Variants in DCC observed in about 807,000 individuals in gnomAD.
The protein encoded by DCC is netrin receptor DCC.
DCC carries 58 observed loss-of-function variants against 172.5 expected under a neutral mutation model. That is an observed-to-expected ratio of 0.34 (90% CI 0.27 to 0.42). The LOEUF (loss-of-function observed/expected upper bound fraction) is 0.42, where lower values mean the gene tolerates loss of function less well. Ranked by LOEUF, DCC falls within the 10% of genes least tolerant of loss-of-function variation. The pLI, the probability that DCC is intolerant of heterozygous loss-of-function variation, is 1.00. For synonymous variants in DCC, 709 were observed against 644.5 expected (o/e 1.10, Z -1.52); for missense variants, 1,740 against 1,791.0 (o/e 0.97, Z 0.51).
chr18:53,443,628 A>C (rs544149134), intron 22 of DCC, among the ~76,000 whole-genome samples: 95 of 152,352 alleles, frequency 6.2e-4, no homozygotes, highest in African/African-American at 2.1e-3. Flanking sequence ...TATGTCTTCC[A>C]GCTGCCATAA....
chr18:53,510,643 G>A (rs2046240091), intron 27 of DCC, among the ~76,000 whole-genome samples: 1 of 152,140 alleles, frequency 6.6e-6, no homozygotes, highest in Admixed American at 6.5e-5. Context: ...CAAGTACTAT[G>A]TTTGTTTGTT....
intron 1 of DCC, among the ~76,000 whole-genome samples, chr18:52,444,290 A>G (rs1447623104): frequency 6.6e-6 from 1 of 152,216 alleles, no homozygotes; most frequent in Non-Finnish European, 1.5e-5. Flanking sequence ...ATGACCTTGA[A>G]AATCCAGAAA....
chr18:52,466,021 T>C (rs1455064129), intron 1 of DCC, among the ~76,000 whole-genome samples: 3 of 152,200 alleles, frequency 2.0e-5, no homozygotes, highest in East Asian at 1.9e-4. Flanking sequence ...ATTAGTTCAA[T>C]GCTGGTTGAT....
chr18:53,374,614 G>T (rs1247606303), intron 15 of DCC, among the ~76,000 whole-genome samples: 1 of 151,866 alleles, frequency 6.6e-6, no homozygotes, highest in East Asian at 1.9e-4. Flanking sequence ...GAGTGAAAAG[G>T]CAAAATAAAA....
intron 25 of DCC, among the ~76,000 whole-genome samples, chr18:53,471,686 C>T (rs193046204): frequency 1.3e-5 from 2 of 152,256 alleles, no homozygotes; most frequent in Admixed American, 6.5e-5. Flanking sequence ...AGTTCAGGGA[C>T]TCTGCACTTG....
Position 53,428,791 on chromosome 18 carries a change from AATTATAT to A in DCC, c.3164-6342_3164-6336del, listed in dbSNP as rs1220350268. Among the ~76,000 whole-genome samples the A allele has an allele frequency of 7.0e-5, 3 of 42,756 alleles. 1 individual carries two copies. Among genetic ancestry groups the A allele is most frequent in the Admixed American group, 8.8e-4 (2 of 2,270 alleles). The allele number at this position is 42,756 out of a possible 152,430, so 28.0% of individuals were successfully genotyped here. A position where few individuals can be genotyped will look rare whatever the true frequency, so the allele number is the denominator to read the frequency against. The stretch of plus-strand genomic sequence containing the variant: ...TATATTATATATTTTATATATAATA[AATTATAT>A]ATTATATATTTTATATATAATAAAT... On this transcript the variant is annotated intron_variant, in intron 21 of 28. Coordinates refer to ENST00000442544, the MANE Select transcript of DCC (RefSeq NM_005215.4).
chr18:53,216,461 A>T (rs1483607746), intron 12 of DCC, among the ~76,000 whole-genome samples: 1 of 152,172 alleles, frequency 6.6e-6, no homozygotes, highest in African/African-American at 2.4e-5. Flanking sequence ...TCTTTTCATA[A>T]CTATTTGGTC....
intron 2 of DCC, among the ~76,000 whole-genome samples, chr18:52,819,350 T>G (rs889301781): frequency 6.6e-6 from 1 of 152,250 alleles, no homozygotes; most frequent in Non-Finnish European, 1.5e-5. Flanking sequence ...ATAAAGATTG[T>G]GCCTAAAAGT....
At chr18:52,542,438 G>A (rs2032486580) in intron 1 of DCC, among the ~76,000 whole-genome samples, 1 of 152,134 alleles carries the variant, frequency 6.6e-6, no homozygotes, top group Admixed American at 6.5e-5. Context: ...ATGCTGTGAT[G>A]TCACAAACAC....
At chr18:52,477,545 G>C (rs1989128589) in intron 1 of DCC, among the ~76,000 whole-genome samples, 1 of 152,144 alleles carries the variant, frequency 6.6e-6, no homozygotes, top group African/African-American at 2.4e-5. Flanking sequence ...CCTGGTAACA[G>C]GGACTTCCAC....
intron 9 of DCC, among the ~76,000 whole-genome samples, chr18:53,190,419 G>A (rs1254884464): frequency 6.6e-6 from 1 of 151,964 alleles, no homozygotes; most frequent in Non-Finnish European, 1.5e-5. Context: ...CAGAGCCAGA[G>A]TTTGAACCTA....
At chr18:52,457,322 T>C (rs1988489250) in intron 1 of DCC, among the ~76,000 whole-genome samples, 1 of 152,182 alleles carries the variant, frequency 6.6e-6, no homozygotes, top group Admixed American at 6.5e-5. Flanking sequence ...CATTTGGTCA[T>C]GTTTTGGAGT....
intron 1 of DCC, among the ~76,000 whole-genome samples, chr18:52,749,712 G>A (rs1414164443): frequency 6.6e-6 from 1 of 152,030 alleles, no homozygotes; most frequent in African/African-American, 2.4e-5. Flanking sequence ...TGTGATAATG[G>A]GCACATATGC....
chr18:52,461,344 G>A (rs557098511), intron 1 of DCC, among the ~76,000 whole-genome samples: 10 of 152,248 alleles, frequency 6.6e-5, no homozygotes, highest in East Asian at 3.9e-4. Context: ...AATACCCCCC[G>A]AAGGACTTGC....
intron 13 of DCC, among the ~76,000 whole-genome samples, chr18:53,318,124 A>G (rs886462219): frequency 6.6e-6 from 1 of 152,196 alleles, no homozygotes; most frequent in African/African-American, 2.4e-5. Context: ...ATTTAGTGCT[A>G]TAAATTTCCC....
chr18:53,081,235 A>T (rs963812567), intron 7 of DCC, among the ~76,000 whole-genome samples: 1 of 152,044 alleles, frequency 6.6e-6, no homozygotes, highest in Non-Finnish European at 1.5e-5. Context: ...TTTAATATGG[A>T]TTTATGTAAT....
intron 1 of DCC, among the ~76,000 whole-genome samples, chr18:52,484,560 C>G (rs571094678): frequency 1.3e-5 from 2 of 152,128 alleles, no homozygotes; most frequent in African/African-American, 4.8e-5. Flanking sequence ...ATCTTTGAGG[C>G]TGGAGTGCAA....
intron 19 of DCC, among the ~76,000 whole-genome samples, chr18:53,404,355 A>G (rs934639029): frequency 1.8e-4 from 22 of 123,362 alleles, no homozygotes; most frequent in African/African-American, 5.8e-4. Context: ...TGTAAACAAT[A>G]GAATAAGTTT....
chr18:52,575,074 T>C (rs2144765587), intron 1 of DCC, among the ~76,000 whole-genome samples: 1 of 152,300 alleles, frequency 6.6e-6, no homozygotes, highest in East Asian at 1.9e-4. Context: ...TAGCTAATCA[T>C]GACATCTGGA....
Sources: allele counts gnomAD v4.1 joint callset (sites outside exome capture counted in the v4.1 genomes callset), GRCh38; gene constraint gnomAD v4.1.1; transcripts MANE v1.5; gene names NCBI Gene and HGNC (gene_info 2026-07-23, HGNC 2026-07-21).